CAST: variants seen among roughly 807,000 people sequenced by gnomAD.
The protein encoded by CAST is MIR583 host.
A neutral mutation model predicts 119.6 loss-of-function variants in CAST; 76 were observed. The ratio of observed to expected loss-of-function variants is 0.64; its 90% CI spans 0.53 to 0.77. The LOEUF is 0.77. Ranked by LOEUF, CAST falls within the 30% of genes least tolerant of loss-of-function variation. The pLI, the probability that CAST is intolerant of heterozygous loss-of-function variation, is 0.00. For missense variants in CAST, 953 were observed against 946.5 expected (o/e 1.01, Z -0.09); for synonymous variants, 319 against 331.6 (o/e 0.96, Z 0.41).
the CAST span, among the ~76,000 whole-genome samples, chr5:96,279,388 C>A: frequency 5.9e-5 from 9 of 152,074 alleles, no homozygotes; most frequent in African/African-American, 2.2e-4. Context: ...TTGTGCCAAA[C>A]CAGGCCTGCA....
the CAST span, among the ~76,000 whole-genome samples, chr5:96,053,962 G>C: frequency 2.0e-5 from 3 of 151,984 alleles, no homozygotes; most frequent in Admixed American, 6.6e-5. Flanking sequence ...GCTCAAAGGG[G>C]ATCATAGTGC....
chr5:96,598,341 G>A (rs375328469), intron 1 of CAST, among the ~76,000 whole-genome samples: 142 of 152,254 alleles, frequency 9.3e-4, no homozygotes, highest in African/African-American at 3.3e-3. Context: ...TCTGCCCAAA[G>A]GCCAGCTAGT....
the CAST span, among the ~76,000 whole-genome samples, chr5:96,109,446 T>A: frequency 2.0e-5 from 3 of 152,226 alleles, no homozygotes; most frequent in Non-Finnish European, 4.4e-5. Flanking sequence ...TAATCTGGAA[T>A]CTTACTAGAA....
chr5:96,283,923 A>G, the CAST span, among the ~76,000 whole-genome samples: 1 of 152,220 alleles, frequency 6.6e-6, no homozygotes, highest in Non-Finnish European at 1.5e-5. Flanking sequence ...AAAGAAACTT[A>G]TCAGAATCCC....
intron 29 of CAST, 77 bp downstream of exon 29, chr5:96,768,076 G>T (rs1770675276): frequency 2.1e-6 from 2 of 947,132 alleles, no homozygotes; most frequent in Non-Finnish European, 3.4e-6. Context: ...TTTATTTATT[G>T]ATTGATCTAT....
the CAST span, among the ~76,000 whole-genome samples, chr5:96,159,678 A>G: frequency 4.2e-3 from 634 of 152,288 alleles, 14 homozygotes; most frequent in South Asian, 0.046. Flanking sequence ...TAGACTCAGC[A>G]TAACCTTTCT....
the CAST span, among the ~76,000 whole-genome samples, chr5:96,349,137 C>CTTTTTTTTTTTTTTTTTTTTTTTTTT: frequency 2.2e-3 from 67 of 31,128 alleles, no homozygotes; most frequent in South Asian, 3.7e-3. Context: ...AACAAGGACA[C>CTTTTTTTTTTTTTTTTTTTTTTTTTT]TATTTTTTTT....
At chr5:96,601,847 G>A (rs1467396558) in intron 1 of CAST, among the ~76,000 whole-genome samples, 1 of 152,134 alleles carries the variant, frequency 6.6e-6, no homozygotes, top group East Asian at 1.9e-4. Context: ...AAGTTATCCG[G>A]CATTTGATAA....
At chr5:96,310,729 T>C in the CAST span, among the ~76,000 whole-genome samples, 1 of 151,924 alleles carries the variant, frequency 6.6e-6, no homozygotes, top group African/African-American at 2.4e-5. Flanking sequence ...ATATAATTGT[T>C]CTTTTGATCC....
At chr5:96,749,403 G>GGGTA (rs1764471393) in intron 19 of CAST, among the ~76,000 whole-genome samples, 2 of 152,310 alleles carry the variant, frequency 1.3e-5, no homozygotes, top group South Asian at 4.1e-4. Flanking sequence ...AAGTTTAAAT[G>GGGTA]GGTAGTAAGT....
the CAST span, among the ~76,000 whole-genome samples, chr5:96,171,893 A>C: frequency 6.6e-6 from 1 of 152,226 alleles, no homozygotes; most frequent in Non-Finnish European, 1.5e-5. Context: ...GCAGGAGGAC[A>C]GGGGATTGAT....
chr5:96,295,120 A>T, the CAST span, among the ~76,000 whole-genome samples: 251 of 152,366 alleles, frequency 1.6e-3, no homozygotes, highest in Non-Finnish European at 3.0e-3. Flanking sequence ...AATTCTCAAT[A>T]AGAAACTCAA....
At chr5:96,187,285 T>A in the CAST span, among the ~76,000 whole-genome samples, 2 of 151,990 alleles carry the variant, frequency 1.3e-5, no homozygotes, top group Non-Finnish European at 2.9e-5. Flanking sequence ...ATTAATTTTT[T>A]TAAAAAAAAC....
chr5:96,553,078 A>G (rs1026675784), intron 1 of CAST, among the ~76,000 whole-genome samples: 3 of 152,118 alleles, frequency 2.0e-5, no homozygotes, highest in Admixed American at 1.3e-4. Context: ...GCATCATCCT[A>G]ATACCAAAGC....
the CAST span, among the ~76,000 whole-genome samples, chr5:96,495,801 A>C: frequency 7.2e-5 from 11 of 152,226 alleles, no homozygotes; most frequent in African/African-American, 2.4e-5. Flanking sequence ...AAATTATTTC[A>C]AGATAATATT....
the CAST span, among the ~76,000 whole-genome samples, chr5:96,282,956 T>C: frequency 7.6e-3 from 1,145 of 150,870 alleles, 14 homozygotes; most frequent in African/African-American, 0.026. Flanking sequence ...GGTGAAACCC[T>C]GTCTCTACTA....
chr5:96,048,746 G>C, the CAST span, among the ~76,000 whole-genome samples: 1 of 152,118 alleles, frequency 6.6e-6, no homozygotes, highest in Admixed American at 6.5e-5. Context: ...GAACAGCGAA[G>C]GCTTTCATGC....
rs111476872 is a variant in CAST at position 96,575,949 on chromosome 5, T to G, written c.60+46069T>G. Among the ~76,000 whole-genome samples the G allele has an allele frequency of 8.6e-3, 1,304 of 152,312 alleles. 15 individuals carry two copies. Among genetic ancestry groups the G allele is most frequent in the South Asian group, 0.028 (133 of 4,822 alleles). ...CAGGCTTTCAAATACATTTTCTGCTTCAATTGATATGACCATATAATTTTT... is the reference window on the plus strand; with the variant it reads ...CAGGCTTTCAAATACATTTTCTGCTGCAATTGATATGACCATATAATTTTT... On this transcript the variant is annotated intron_variant, in intron 1 of 11. Transcript: ENST00000505143.
intron 1 of CAST, among the ~76,000 whole-genome samples, chr5:96,616,941 A>G (rs1476330605): frequency 6.6e-6 from 1 of 152,052 alleles, no homozygotes; most frequent in African/African-American, 2.4e-5. Flanking sequence ...ATGGCAGGGC[A>G]GGGCATGGTG....
Sources: allele counts gnomAD v4.1 joint callset (sites outside exome capture counted in the v4.1 genomes callset), GRCh38; gene constraint gnomAD v4.1.1; transcripts MANE v1.5; gene names NCBI Gene and HGNC (gene_info 2026-07-23, HGNC 2026-07-21).